The following NSD1 variants were observed in gnomAD, a reference collection of about 807,000 sequenced individuals.
NSD1 encodes histone-lysine N-methyltransferase, H3 lysine-36 specific.
In NSD1, 26 loss-of-function variants were observed where a neutral mutation model predicts 242.7. The ratio of observed to expected loss-of-function variants is 0.11; its 90% CI spans 0.08 to 0.15. NSD1 has a LOEUF of 0.15. Among genes scored for constraint, NSD1 ranks in the 10% least tolerant of loss-of-function variants. The pLI is 1.00. For synonymous variants in NSD1, 1,106 were observed against 1,178.1 expected (o/e 0.94, Z 1.25); for missense variants, 2,495 against 3,272.8 (o/e 0.76, Z 5.80).
At chr5:177,141,673 T>C (rs1206053510) in intron 2 of NSD1, among the ~76,000 whole-genome samples, 3 of 152,062 alleles carry the variant, frequency 2.0e-5, no homozygotes, top group Non-Finnish European at 2.9e-5. Flanking sequence ...TGTTCTCTTT[T>C]TCTTCCTCTT....
chr5:177,182,550 C>T (rs1396972690), intron 2 of NSD1, among the ~76,000 whole-genome samples: 1 of 152,176 alleles, frequency 6.6e-6, no homozygotes, highest in African/African-American at 2.4e-5. Context: ...CCTAGAACTA[C>T]AAGGTTGTGC....
chr5:177,254,794 AT>A (rs1242370146), intron 12 of NSD1, among the ~76,000 whole-genome samples: 4 of 37,464 alleles, frequency 1.1e-4, no homozygotes, highest in Non-Finnish European at 2.5e-4. Context: ...TGTGTTTTGT[AT>A]TAAAGTTTTG....
chr5:177,188,689 T>G (rs1761430827), intron 2 of NSD1, among the ~76,000 whole-genome samples: 2 of 152,190 alleles, frequency 1.3e-5, no homozygotes, highest in African/African-American at 4.8e-5. Flanking sequence ...TAATTTTTTT[T>G]GGTTATATAG....
chr5:177,248,431 G>A lies in NSD1; in HGVS notation c.4641+107G>A, dbSNP rs1442097161. The A allele has an allele frequency of 3.7e-6, 5 of 1,361,956 alleles. No individual in the cohort carries two copies. The East Asian group carries it at 1.0e-4, about 27-fold the overall frequency. 84.4% of individuals were successfully genotyped at this position (1,361,956 alleles called of 1,614,324 possible). The stretch of plus-strand genomic sequence containing the variant: ...TCTTGGTAGAATAACAATGCTTTTG[G>A]ATGATTCCAGTGGAGTCACTTTCTT... On this transcript the variant is annotated intron_variant, in intron 11 of 22. Coordinates refer to ENST00000439151, the MANE Select transcript of NSD1 (RefSeq NM_022455.5).
Position 177,220,389 on chromosome 5 carries a change from A to G in NSD1, c.3796+8194A>G, listed in dbSNP as rs571560711. 3.9e-5 allele frequency among the ~76,000 whole-genome samples: 6 copies of G among 152,158 alleles called. No individual in the cohort carries two copies. In the South Asian group the frequency reaches 1.2e-3, roughly 32 times the overall value. On this transcript the variant is annotated intron_variant, in intron 5 of 22. Coordinates refer to ENST00000439151, the MANE Select transcript of NSD1 (RefSeq NM_022455.5). ...TTTCTTTTGTTTACCACTGGCATAG[A>G]ATATCTTTTTGCAGCCATTCACGTT...
At chr5:177,217,173 C>T (rs1037401991) in intron 5 of NSD1, among the ~76,000 whole-genome samples, 2 of 152,032 alleles carry the variant, frequency 1.3e-5, no homozygotes, top group African/African-American at 4.8e-5. Context: ...TTATATCTTC[C>T]GTAATTTCAT....
intron 2 of NSD1, among the ~76,000 whole-genome samples, chr5:177,137,912 C>T (rs1340037483): frequency 1.3e-5 from 2 of 151,714 alleles, no homozygotes; most frequent in South Asian, 2.1e-4. Flanking sequence ...GGTGAAACTC[C>T]GTCTCTACAA....
intron 2 of NSD1, chr5:177,136,972 T>C (rs1562100970): frequency 8.8e-6 from 6 of 680,096 alleles, no homozygotes; most frequent in Non-Finnish European, 1.6e-5. Flanking sequence ...GATTTTGAAG[T>C]GTGTATGTGT....
rs144257298 is a variant in NSD1, at chr5:177,211,549, C to A, written c.3150C>A (p.Thr1050=). 6.2e-7 allele frequency: 1 copy of A among 1,614,022 alleles called. No individual in the cohort carries two copies. The highest frequency in any genetic ancestry group is 2.2e-5 in the East Asian group (1 of 44,888). The change falls in exon 5 of 23, where the codon ACC becomes ACA. Residue 1050 remains threonine, a synonymous_variant. Coordinates refer to ENST00000439151, the MANE Select transcript of NSD1 (RefSeq NM_022455.5). ...CAGTGAACCGTAAAGCCTTAAAGACCGAGCGCAAAAGAAAACTGAATCAGC... is the reference window on the plus strand; with the variant it reads ...CAGTGAACCGTAAAGCCTTAAAGACAGAGCGCAAAAGAAAACTGAATCAGC... ...KNTVNRKALK[T]ERKRKLNQLP...
intron 12 of NSD1, 88 bp from the exon 13 acceptor site, chr5:177,256,863 T>C (rs1756511476): frequency 9.2e-7 from 1 of 1,086,894 alleles, no homozygotes; most frequent in Admixed American, 1.7e-5. Flanking sequence ...CAGTCCATTA[T>C]AAAATTTCTT....
chr5:177,227,947 A>T (rs912066465), intron 5 of NSD1, among the ~76,000 whole-genome samples: 1 of 138,262 alleles, frequency 7.2e-6, no homozygotes, highest in Non-Finnish European at 1.6e-5. Flanking sequence ...AAACTCTCTC[A>T]AAAAAAAAAA....
chr5:177,230,960 A>C (rs1405431408), intron 5 of NSD1, among the ~76,000 whole-genome samples: 1 of 152,192 alleles, frequency 6.6e-6, no homozygotes, highest in Non-Finnish European at 1.5e-5. Flanking sequence ...ATAAAGGGGC[A>C]TGATGTGATA....
intron 5 of NSD1, among the ~76,000 whole-genome samples, chr5:177,216,558 C>A (rs1416645205): frequency 6.6e-6 from 1 of 151,980 alleles, no homozygotes; most frequent in Non-Finnish European, 1.5e-5. Context: ...ATGTGCATAT[C>A]CAGTTTTCAC....
chr5:177,147,169 C>T (rs1040074071), intron 2 of NSD1, among the ~76,000 whole-genome samples: 7 of 151,942 alleles, frequency 4.6e-5, no homozygotes, highest in African/African-American at 1.7e-4. Context: ...GCAGTAGTTG[C>T]ATCTCAGCTC....
rs774962938 is a variant in NSD1, at chr5:177,135,453, G to A, written c.350G>A (p.Ser117Asn). ...ACGCCAATTGTTTGCACTTCCTTGA[G>A]TCCTGGTGGTCCTACAGCACTTGCT... ...AQTPIVCTSL[S>N]PGGPTALAMK... Residue 117 changes from serine (S) to asparagine (N), a missense_variant, in exon 2 of 23, where the codon AGT becomes AAT. Ser to Asn is a conservative substitution (Grantham distance 46). This residue lies in a region of NSD1 where 376 missense variants were observed against 367.4 expected (regional missense o/e 1.02). Transcript: ENST00000439151. 1.2e-6 allele frequency: 2 copies of A among 1,614,214 alleles called. No homozygotes were observed.
chr5:177,291,975 G>C lies in NSD1; in HGVS notation c.6280G>C (p.Glu2094Gln), dbSNP rs549921292. The C allele has an allele frequency of 1.2e-6, 2 of 1,613,810 alleles. No homozygotes were observed. Among genetic ancestry groups the C allele is most frequent in the Non-Finnish European group, 1.7e-6 (2 of 1,179,940 alleles). Residue 2094 changes from glutamate (E) to glutamine (Q), a missense_variant, in exon 22 of 23, where the codon GAA (glutamate) becomes CAA (glutamine). By Grantham distance (29) the Glu-to-Gln change is conservative. This residue lies in a region of NSD1 where 27 missense variants were observed against 33.4 expected (regional missense o/e 0.81). Transcript: ENST00000439151. ...GTAGAATCAACCCATTGCCACGGAA[G>C]AAAAGTCAAAGAAATTCAAGAAGAA... ...RPKNQPIATE[E>Q]KSKKFKKKQQ...
chr5:177,227,182 G>A (rs1012329256), intron 5 of NSD1, among the ~76,000 whole-genome samples: 3 of 152,128 alleles, frequency 2.0e-5, no homozygotes, highest in Non-Finnish European at 2.9e-5. Context: ...AGTGAGTCTA[G>A]GTGTTTACTA....
chr5:177,135,812 A>G lies in NSD1; in HGVS notation c.709A>G (p.Lys237Glu), dbSNP rs1756273326. 2 of 1,608,468 alleles carry G rather than the reference A, an allele frequency of 1.2e-6. No individual in the cohort carries two copies. Among genetic ancestry groups the G allele is most frequent in the Non-Finnish European group, 1.7e-6 (2 of 1,175,982 alleles). ...LPLAPQTETQKNKQRNEVDGS... is the reference protein window; with the variant it reads ...LPLAPQTETQENKQRNEVDGS... Reference sequence around the variant, plus strand: ...ATTAGCTCCTCAGACTGAAACACAGAAAAATAAGCAAAGAAATGAAGTGGA... The same window carrying G: ...ATTAGCTCCTCAGACTGAAACACAGGAAAATAAGCAAAGAAATGAAGTGGA... Residue 237 changes from lysine to glutamate, a missense_variant, in exon 2 of 23, where the codon AAA becomes GAA. By Grantham distance (56) the Lys-to-Glu change is moderately conservative. Transcript: ENST00000439151.
chr5:177,138,412 T>G (rs994375111), intron 2 of NSD1, among the ~76,000 whole-genome samples: 9 of 150,196 alleles, frequency 6.0e-5, no homozygotes, highest in Non-Finnish European at 1.2e-4. Flanking sequence ...TGCACCACCA[T>G]GCCTGACTAC....
Sources: gnomAD v4.1 joint callset for allele counts (sites outside exome capture counted in the v4.1 genomes callset) on GRCh38, gnomAD v4.1.1 for gene constraint, gnomAD v4.1.1 regional missense constraint, MANE v1.5 for transcripts, NCBI Gene and HGNC (gene_info 2026-07-23, HGNC 2026-07-21) for gene names.